The following CACNA2D3 variants were observed in gnomAD, a reference collection of about 807,000 sequenced individuals.
CACNA2D3 encodes the protein calcium voltage-gated channel auxiliary subunit alpha2delta 3, also known as voltage-dependent calcium channel subunit alpha-2/delta-3.
A neutral mutation model predicts 160.6 loss-of-function variants in CACNA2D3; 60 were observed. The observed-to-expected ratio is 0.37, with a 90% CI of 0.30 to 0.46. The LOEUF is 0.46. CACNA2D3 is among the 20% of genes least tolerant of loss of function. CACNA2D3 has a pLI of 1.00. For synonymous variants in CACNA2D3, 558 were observed against 492.9 expected (o/e 1.13, Z -1.75); for missense variants, 1,205 against 1,365.0 (o/e 0.88, Z 1.85).
intron 2 of CACNA2D3, among the ~76,000 whole-genome samples, chr3:54,138,895 T>C (rs1699868804): frequency 6.6e-6 from 1 of 152,266 alleles, no homozygotes; most frequent in African/African-American, 2.4e-5. Flanking sequence ...GGATTTCTCC[T>C]CTTACCATCT....
At chr3:54,865,140 T>A (rs945378979) in intron 17 of CACNA2D3, among the ~76,000 whole-genome samples, 13 of 152,194 alleles carry the variant, frequency 8.5e-5, no homozygotes, top group Non-Finnish European at 1.8e-4. Flanking sequence ...TATAAATTCC[T>A]TTTTAGGAAA....
At chr3:54,991,646 A>G (rs1191922658) in intron 31 of CACNA2D3, among the ~76,000 whole-genome samples, 3 of 152,192 alleles carry the variant, frequency 2.0e-5, no homozygotes, top group Admixed American at 2.0e-4. Flanking sequence ...AGCCTGTCAT[A>G]GGAGTCTTCT....
intron 2 of CACNA2D3, among the ~76,000 whole-genome samples, chr3:54,302,779 C>G (rs1703507957): frequency 6.6e-6 from 1 of 151,976 alleles, no homozygotes; most frequent in Admixed American, 6.6e-5. Flanking sequence ...TTTCTCTCTT[C>G]TTCCTCCTCC....
At chr3:54,286,702 G>A (rs1703036674) in intron 2 of CACNA2D3, among the ~76,000 whole-genome samples, 1 of 152,196 alleles carries the variant, frequency 6.6e-6, no homozygotes, top group South Asian at 2.1e-4. Flanking sequence ...ACCCACAAAG[G>A]GAAGCGCATC....
rs1451905108 is a variant in CACNA2D3 at position 54,722,879 on chromosome 3, C to T, written c.1168-29720C>T. ...GTCAGGATACATGGGGGTCAGGGAC[C>T]GACTTGAGGAGGCAGTCTGACCCTT... On this transcript the variant is annotated intron_variant, in intron 11 of 37. Coordinates refer to ENST00000474759, the MANE Select transcript of CACNA2D3 (RefSeq NM_018398.3). 2.6e-5 allele frequency among the ~76,000 whole-genome samples: 4 copies of T among 152,108 alleles called. No homozygotes were observed. In the East Asian group the frequency reaches 5.8e-4, roughly 22 times the overall value.
At position 54,180,045 on chromosome 3, in the gene CACNA2D3, T is replaced by C. The variant is rs187672639; in HGVS notation, c.204+56451T>C. Reference sequence around the variant, plus strand: ...TTTTTCTTCCTTTTTTTTTTATTTTTGCATTTTATGTCTTAGCTGATGTTC... The same window carrying C: ...TTTTTCTTCCTTTTTTTTTTATTTTCGCATTTTATGTCTTAGCTGATGTTC... On this transcript the variant is annotated intron_variant, in intron 2 of 37. Transcript: ENST00000474759. Among the ~76,000 whole-genome samples, 514 of 152,002 alleles carry C rather than the reference T, an allele frequency of 3.4e-3. 5 individuals carry two copies. Among genetic ancestry groups the C allele is most frequent in the Non-Finnish European group, 3.9e-3 (265 of 67,972 alleles).
At chr3:54,548,015 C>T (rs1370996666) in intron 5 of CACNA2D3, among the ~76,000 whole-genome samples, 1 of 152,140 alleles carries the variant, frequency 6.6e-6, no homozygotes, top group East Asian at 1.9e-4. Flanking sequence ...TTTCTTTATA[C>T]AAGTGATGTG....
At chr3:54,384,576 G>T (rs1248278315) in intron 3 of CACNA2D3, among the ~76,000 whole-genome samples, 3 of 152,154 alleles carry the variant, frequency 2.0e-5, no homozygotes, top group Non-Finnish European at 4.4e-5. Context: ...GTGACCCAAT[G>T]AACGCTTGGG....
At chr3:54,767,624 G>A (rs1031033389) in intron 13 of CACNA2D3, among the ~76,000 whole-genome samples, 1 of 151,906 alleles carries the variant, frequency 6.6e-6, no homozygotes. Flanking sequence ...GAGGAGCCAG[G>A]GACCCTTAGA....
At chr3:54,597,928 C>T (rs895317134) in intron 9 of CACNA2D3, among the ~76,000 whole-genome samples, 7 of 152,042 alleles carry the variant, frequency 4.6e-5, no homozygotes, top group East Asian at 3.9e-4. Flanking sequence ...GGTGACCAGC[C>T]GTGGGCACTG....
intron 4 of CACNA2D3, among the ~76,000 whole-genome samples, chr3:54,388,738 T>C (rs1246992973): frequency 1.3e-5 from 2 of 152,186 alleles, no homozygotes; most frequent in African/African-American, 2.4e-5. Context: ...TTGAGCCTGA[T>C]TGTCAGAGAA....
chr3:54,664,964 G>T (rs146787709), intron 11 of CACNA2D3, among the ~76,000 whole-genome samples: 1 of 152,302 alleles, frequency 6.6e-6, no homozygotes, highest in African/African-American at 2.4e-5. Flanking sequence ...GCTAGTAAAG[G>T]TTCATTTGAT....
At chr3:54,321,599 A>T (rs566529224) in intron 3 of CACNA2D3, among the ~76,000 whole-genome samples, 1 of 152,210 alleles carries the variant, frequency 6.6e-6, no homozygotes, top group South Asian at 2.1e-4. Context: ...TCCGTGGTGG[A>T]TGTTAGTATT....
chr3:54,241,912 G>A (rs1701981139), intron 2 of CACNA2D3, among the ~76,000 whole-genome samples: 1 of 152,160 alleles, frequency 6.6e-6, no homozygotes, highest in South Asian at 2.1e-4. Flanking sequence ...AAGAATACCT[G>A]TGACTTAGGG....
intron 11 of CACNA2D3, among the ~76,000 whole-genome samples, chr3:54,665,017 T>C (rs1223269652): frequency 2.0e-5 from 3 of 152,212 alleles, no homozygotes; most frequent in African/African-American, 7.2e-5. Context: ...CAGCCAGAAA[T>C]AATATACCTG....
chr3:54,229,594 G>A (rs750865126), intron 2 of CACNA2D3, among the ~76,000 whole-genome samples: 8 of 151,822 alleles, frequency 5.3e-5, no homozygotes, highest in South Asian at 4.2e-4. Context: ...CTCGGCCTCC[G>A]AAAGCGCTGG....
chr3:54,671,263 G>A (rs1700155578), intron 11 of CACNA2D3, among the ~76,000 whole-genome samples: 1 of 151,684 alleles, frequency 6.6e-6, no homozygotes. Flanking sequence ...GAAACTGTCT[G>A]ATTGTTTCCC....
At chr3:54,631,165 C>G (rs1258725297) in intron 10 of CACNA2D3, among the ~76,000 whole-genome samples, 1 of 151,412 alleles carries the variant, frequency 6.6e-6, no homozygotes. Flanking sequence ...GATTGCACCA[C>G]TGCACTTCAG....
chr3:54,953,705 C>T (rs1324302012), intron 27 of CACNA2D3, among the ~76,000 whole-genome samples: 1 of 152,200 alleles, frequency 6.6e-6, no homozygotes, highest in East Asian at 1.9e-4. Flanking sequence ...GTTGTTTCCC[C>T]CTTGCCTGTG....
Sources: allele counts gnomAD v4.1 joint callset (sites outside exome capture counted in the v4.1 genomes callset), GRCh38; gene constraint gnomAD v4.1.1; transcripts MANE v1.5; gene names NCBI Gene and HGNC (gene_info 2026-07-23, HGNC 2026-07-21).